PPM1E: variants seen among roughly 807,000 people sequenced by gnomAD.
The protein encoded by PPM1E is protein phosphatase 1E.
Under a neutral mutation model 65.9 loss-of-function variants are expected in PPM1E, and 20 were observed. The ratio of observed to expected loss-of-function variants is 0.30; its 90% confidence interval spans 0.21 to 0.44. PPM1E has a LOEUF of 0.44. PPM1E is among the 20% of genes least tolerant of loss of function. PPM1E has a pLI of 1.00. For missense variants in PPM1E, 713 were observed against 953.1 expected, an observed-to-expected ratio of 0.75 and a Z score of 3.32; for synonymous variants, 352 against 374.9, an observed-to-expected ratio of 0.94 and a Z score of 0.70.
rs555555291 is a variant in PPM1E, at chr17:58,981,084, A to G, written c.*53A>G. On this transcript the variant is annotated 3_prime_UTR_variant, in exon 7 of 7. Transcript: ENST00000308249. ...CTCCCCCAATAAAAATACCACTATC[A>G]GAGTAGAAACAAGGTAGACATTTCT... The G allele has an allele frequency of 1.2e-5, 15 of 1,273,668 alleles. No individual in the cohort carries two copies. In the African/African-American group the frequency reaches 2.3e-4, roughly 19 times the overall value. 78.9% of individuals were successfully genotyped at this position (1,273,668 alleles called of 1,614,324 possible). A position where few individuals can be genotyped will look rare whatever the true frequency, so the allele number is the denominator to read the frequency against.
intron 1 of PPM1E, among the ~76,000 whole-genome samples, chr17:58,942,128 G>C (rs1598664907): frequency 6.6e-6 from 1 of 152,130 alleles, no homozygotes; most frequent in South Asian, 2.1e-4. Context: ...GCTCACACCT[G>C]TAATCCCAGT....
intron 1 of PPM1E, among the ~76,000 whole-genome samples, chr17:58,865,821 A>G (rs538228796): frequency 4.6e-5 from 7 of 152,370 alleles, no homozygotes; most frequent in African/African-American, 1.7e-4. Context: ...TAGCTAGACA[A>G]CAGCAAATCT....
chr17:58,772,491 A>G (rs976847289), intron 1 of PPM1E, among the ~76,000 whole-genome samples: 4 of 152,000 alleles, frequency 2.6e-5, no homozygotes, highest in African/African-American at 9.7e-5. Flanking sequence ...AGAGGATTTT[A>G]TGGGGACACT....
intron 1 of PPM1E, among the ~76,000 whole-genome samples, chr17:58,760,452 A>G (rs1270354440): frequency 6.6e-6 from 1 of 152,022 alleles, no homozygotes; most frequent in Non-Finnish European, 1.5e-5. Flanking sequence ...TTCACCTCTC[A>G]CATTCAGTCA....
At chr17:58,967,223 C>A (rs2030307396) in intron 3 of PPM1E, among the ~76,000 whole-genome samples, 1 of 152,128 alleles carries the variant, frequency 6.6e-6, no homozygotes, top group African/African-American at 2.4e-5. Flanking sequence ...ACTTTTAATT[C>A]TTTATTATAA....
intron 1 of PPM1E, among the ~76,000 whole-genome samples, chr17:58,825,499 C>A (rs1417731233): frequency 6.6e-6 from 1 of 151,710 alleles, no homozygotes; most frequent in Non-Finnish European, 1.5e-5. Flanking sequence ...TTTGTGTTAA[C>A]ATTGGTGTTT....
At chr17:58,830,172 C>T (rs947036823) in intron 1 of PPM1E, among the ~76,000 whole-genome samples, 16 of 152,018 alleles carry the variant, frequency 1.1e-4, no homozygotes, top group African/African-American at 3.6e-4. Context: ...AAGACACTGT[C>T]TCTCTAAAAA....
At chr17:58,970,258 A>G (rs1353498750) in intron 4 of PPM1E, among the ~76,000 whole-genome samples, 1 of 152,184 alleles carries the variant, frequency 6.6e-6, no homozygotes, top group East Asian at 1.9e-4. Context: ...AGAAAAGAAG[A>G]GCTCATGTCC....
At chr17:58,820,920 A>G (rs1406507373) in intron 1 of PPM1E, among the ~76,000 whole-genome samples, 1 of 152,126 alleles carries the variant, frequency 6.6e-6, no homozygotes. Context: ...GACTAAATAG[A>G]TACCAAATTC....
rs1347823759 is a variant in PPM1E, at chr17:58,897,042, A to G, written c.465-58607A>G. ...AACTGAAAGGCCTGGATGACAGCAC[A>G]TCTGTTTATAGCATGTTTTACTGAA... On this transcript the variant is annotated intron_variant, in intron 1 of 6. Transcript: ENST00000308249. 2.0e-5 allele frequency among the ~76,000 whole-genome samples: 3 copies of G among 152,130 alleles called. No homozygotes were observed. The East Asian group carries it at 5.8e-4, about 29-fold the overall frequency.
chr17:58,904,894 A>G (rs763265551), intron 1 of PPM1E, among the ~76,000 whole-genome samples: 19 of 151,092 alleles, frequency 1.3e-4, no homozygotes, highest in Non-Finnish European at 4.4e-5. Context: ...GTGGTGGTGT[A>G]TGCCTGTAAT....
In PPM1E at chr17:58,853,745, C is replaced by T. The variant is rs549791906; in HGVS notation, c.464+97284C>T. 5.3e-5 allele frequency among the ~76,000 whole-genome samples: 8 copies of T among 152,020 alleles called. No individual in the cohort carries two copies. In the East Asian group the frequency reaches 5.8e-4, roughly 11 times the overall value. On this transcript the variant is annotated intron_variant, in intron 1 of 6. Coordinates refer to ENST00000308249, the MANE Select transcript of PPM1E (RefSeq NM_014906.5). ...CCTCAGGAGACTGAGGCATGAGAAT[C>T]GCTTGAACCCGGGAGACAGAGGTTG...
intron 1 of PPM1E, among the ~76,000 whole-genome samples, chr17:58,774,711 C>T (rs1305020902): frequency 6.6e-6 from 1 of 151,922 alleles, no homozygotes; most frequent in Non-Finnish European, 1.5e-5. Context: ...TGTAGATTTT[C>T]TTATTTGTGT....
chr17:58,815,127 C>G (rs956311869), intron 1 of PPM1E, among the ~76,000 whole-genome samples: 1 of 152,194 alleles, frequency 6.6e-6, no homozygotes, highest in African/African-American at 2.4e-5. Flanking sequence ...GAAATAAAAA[C>G]TATCTTTTAC....
intron 6 of PPM1E, among the ~76,000 whole-genome samples, chr17:58,977,807 A>G (rs1386480918): frequency 6.6e-6 from 1 of 152,152 alleles, no homozygotes; most frequent in Non-Finnish European, 1.5e-5. Flanking sequence ...CAGTGGCGCA[A>G]TCTGGGCTCA....
chr17:58,757,346 G>T (rs773808844), intron 1 of PPM1E, among the ~76,000 whole-genome samples: 1 of 152,204 alleles, frequency 6.6e-6, no homozygotes, highest in African/African-American at 2.4e-5. Context: ...AAATAGAAAG[G>T]TCAAGGCTTT....
At chr17:58,838,103 G>A (rs1472456320) in intron 1 of PPM1E, among the ~76,000 whole-genome samples, 3 of 152,194 alleles carry the variant, frequency 2.0e-5, no homozygotes, top group Admixed American at 2.0e-4. Flanking sequence ...ACTTCTAGAA[G>A]ATAACATAGG....
chr17:58,851,569 A>G (rs946271891), intron 1 of PPM1E, among the ~76,000 whole-genome samples: 2 of 152,220 alleles, frequency 1.3e-5, no homozygotes, highest in Admixed American at 6.5e-5. Context: ...TTGCCTGGGT[A>G]TCACCAGCAG....
chr17:58,788,818 ACATT>A (rs755424418), intron 1 of PPM1E, among the ~76,000 whole-genome samples: 99 of 152,326 alleles, frequency 6.5e-4, no homozygotes, highest in Middle Eastern at 3.4e-3. Flanking sequence ...GACAAATTGA[ACATT>A]CCTTTTCATG....
Sources: allele counts gnomAD v4.1 joint callset (sites outside exome capture counted in the v4.1 genomes callset), GRCh38; gene constraint gnomAD v4.1.1; transcripts MANE v1.5; gene names NCBI Gene and HGNC (gene_info 2026-07-23, HGNC 2026-07-21).